The following CDH3 variants were observed in gnomAD, a reference collection of about 807,000 sequenced individuals.
CDH3 encodes the protein cadherin 3.
In CDH3, 54 loss-of-function variants were observed where a neutral mutation model predicts 82.0. The ratio of observed to expected loss-of-function variants is 0.66; its 90% CI spans 0.53 to 0.83. The LOEUF is 0.83. Ranked by LOEUF, CDH3 falls within the 40% of genes least tolerant of loss-of-function variation. CDH3 has a pLI of 0.00. For synonymous variants in CDH3, 446 were observed against 437.9 expected (o/e 1.02, Z -0.23); for missense variants, 1,054 against 1,084.6 (o/e 0.97, Z 0.40).
At chr16:68,718,517 TA>T (rs1247522647) in intron 1 of CDH3, among the ~76,000 whole-genome samples, 8 of 151,792 alleles carry the variant, frequency 5.3e-5, no homozygotes, top group African/African-American at 1.7e-4. Flanking sequence ...CCATCTCTAC[TA>T]AAAATACAAA....
Position 68,698,225 on chromosome 16 carries a change from C to T in CDH3, c.2315C>T (p.Pro772Leu), listed in dbSNP as rs774769161. Reference protein sequence around the residue: ...LKAANTDPTAPPYDTLLVFDY... With the variant: ...LKAANTDPTALPYDTLLVFDY... ...GCGGCTAACACAGACCCCACAGCCC[C>T]GCCCTACGACACCCTCTTGGTGTTC... Residue 772 changes from proline (P) to leucine (L), a missense_variant, in exon 16 of 16, where the codon CCG becomes CTG. Physicochemically the swap from Pro to Leu is moderately conservative, Grantham distance 98 (BLOSUM62 -3). Transcript: ENST00000264012. 4.2e-5 allele frequency: 68 copies of T among 1,614,226 alleles called. No individual in the cohort carries two copies. In the East Asian group the frequency reaches 5.3e-4, roughly 13 times the overall value.
At chr16:68,646,004 G>A in intron 2 of CDH3, 1 of 532,558 alleles carries the variant, frequency 1.9e-6, no homozygotes, top group Non-Finnish European at 3.4e-6. Flanking sequence ...CCGAGATGCC[G>A]GATGGCTGAG....
intron 2 of CDH3, among the ~76,000 whole-genome samples, chr16:68,658,688 T>C (rs1960474724): frequency 6.6e-6 from 1 of 152,178 alleles, no homozygotes; most frequent in African/African-American, 2.4e-5. Flanking sequence ...CTTCTCCCTG[T>C]AGAGTCGCTT....
chr16:68,698,556 CTT>C lies in CDH3; in HGVS notation c.*157_*158del. On this transcript the variant is annotated 3_prime_UTR_variant, in exon 16 of 16. Transcript: ENST00000264012. The stretch of plus-strand genomic sequence containing the variant: ...TATGAGTCTGACGTTAGAGTGGTGG[CTT>C]CCTTAGCCTTTCAGGATGGAGGAAT... 1 of 642,002 alleles carries C rather than the reference CTT, an allele frequency of 1.6e-6. No homozygotes were observed. The highest frequency in any genetic ancestry group is 2.7e-5 in the Admixed American group (1 of 37,378). The allele number at this position is 642,002 out of a possible 1,614,324, so 39.8% of individuals were successfully genotyped here. A position where few individuals can be genotyped will look rare whatever the true frequency, so the allele number is the denominator to read the frequency against.
chr16:68,712,037 C>CTTTTTTTTTT (rs58452743), intron 1 of CDH3, among the ~76,000 whole-genome samples: 2 of 119,416 alleles, frequency 1.7e-5, no homozygotes, highest in Non-Finnish European at 3.3e-5. Flanking sequence ...TTTTTGTTTT[C>CTTTTTTTTTT]TTTTTTTTTT....
rs764695886 is a variant in CDH3, at chr16:68,681,048, G to T, written c.948G>T (p.Val316=). The change falls in exon 8 of 16, where the codon GTG becomes GTT. Residue 316 remains valine (V), a synonymous_variant. Coordinates refer to ENST00000264012, the MANE Select transcript of CDH3 (RefSeq NM_001793.6). ...DGSTTTAVAV[V]EILDANDNAP... ...CCACCACCACGGCAGTGGCAGTAGTGGAGATCCTTGATGCCAATGACAATG... is the reference window on the plus strand; with the variant it reads ...CCACCACCACGGCAGTGGCAGTAGTTGAGATCCTTGATGCCAATGACAATG... 2 of 1,614,058 alleles carry T rather than the reference G, an allele frequency of 1.2e-6. No individual in the cohort carries two copies. Among genetic ancestry groups the T allele is most frequent in the Non-Finnish European group, 1.7e-6 (2 of 1,180,004 alleles).
intron 2 of CDH3, among the ~76,000 whole-genome samples, chr16:68,655,227 T>G (rs1235124857): frequency 6.6e-6 from 1 of 152,062 alleles, no homozygotes; most frequent in African/African-American, 2.4e-5. Flanking sequence ...AGCAGCTCCT[T>G]ATTTGGCCAA....
chr16:68,649,839 G>C (rs551156533), intron 2 of CDH3, among the ~76,000 whole-genome samples: 3 of 152,080 alleles, frequency 2.0e-5, no homozygotes, highest in Non-Finnish European at 4.4e-5. Flanking sequence ...TTCAAGACCA[G>C]CCTGGCCAAC....
downstream of CDH3, among the ~76,000 whole-genome samples, chr16:68,729,404 A>C (rs1962260521): frequency 6.6e-6 from 1 of 152,220 alleles, no homozygotes; most frequent in African/African-American, 2.4e-5. Context: ...TAAGTCTGGA[A>C]TTACATCAAA....
rs1567452175 is a variant in CDH3 at position 68,685,315 on chromosome 16, A to G, written c.1535A>G (p.Asn512Ser). 1 of 1,614,016 alleles carries G rather than the reference A, an allele frequency of 6.2e-7. No homozygotes were observed. The highest frequency in any genetic ancestry group is 1.7e-5 in the Admixed American group (1 of 59,994). Residue 512 changes from asparagine (N) to serine (S), a missense_variant, in exon 11 of 16, where the codon AAC (asparagine) becomes AGC (serine). Coordinates refer to ENST00000264012, the MANE Select transcript of CDH3 (RefSeq NM_001793.6). Reference protein sequence around the residue: ...DREDEQFVRNNIYEVMVLAMD... With the variant: ...DREDEQFVRNSIYEVMVLAMD... ...GAGGATGAGCAGTTTGTGAGGAACAACATCTATGAAGTCATGGTCTTGGCC... is the reference window on the plus strand; with the variant it reads ...GAGGATGAGCAGTTTGTGAGGAACAGCATCTATGAAGTCATGGTCTTGGCC...
downstream of CDH3, among the ~76,000 whole-genome samples, chr16:68,704,102 C>G (rs1961930859): frequency 6.6e-6 from 1 of 151,686 alleles, no homozygotes; most frequent in South Asian, 2.1e-4. Flanking sequence ...CTGGCTAACA[C>G]GGTGAAACCC....
chr16:68,648,258 C>G (rs575680606), intron 2 of CDH3, among the ~76,000 whole-genome samples: 2 of 152,240 alleles, frequency 1.3e-5, no homozygotes, highest in Non-Finnish European at 2.9e-5. Flanking sequence ...CAACTTTTAC[C>G]TCCTGGTATA....
chr16:68,715,585 G>A (rs1157031176), intron 1 of CDH3, among the ~76,000 whole-genome samples: 2 of 152,140 alleles, frequency 1.3e-5, no homozygotes, highest in Non-Finnish European at 2.9e-5. Context: ...AGCCTGCAGG[G>A]AGTTGCCCAA....
In CDH3 at chr16:68,699,885, A is replaced by G. The variant is rs1961861873; in HGVS notation, c.*1485A>G. On this transcript the variant is annotated 3_prime_UTR_variant, in exon 16 of 16. Transcript: ENST00000264012. ...GATTAAGTGAATTAATATCTGGCAC[A>G]TGGTCCATGCAATCTGTTAGTTGGT... 1 of 152,224 alleles carries G rather than the reference A, an allele frequency of 6.6e-6. No individual in the cohort carries two copies. The highest frequency in any genetic ancestry group is 2.4e-5 in the African/African-American group (1 of 41,444). 9.4% of individuals were successfully genotyped at this position (152,224 alleles called of 1,614,324 possible).
At position 68,684,950 on chromosome 16, in the gene CDH3, C is replaced by T. The variant is rs1468528907; in HGVS notation, c.1424+126C>T. 63 of 1,295,552 alleles carry T rather than the reference C, an allele frequency of 4.9e-5. No individual in the cohort carries two copies. The East Asian group carries it at 1.4e-3, about 29-fold the overall frequency. The allele number at this position is 1,295,552 out of a possible 1,614,324, so 80.3% of individuals were successfully genotyped here. A position where few individuals can be genotyped will look rare whatever the true frequency, so the allele number is the denominator to read the frequency against. On this transcript the variant is annotated intron_variant, in intron 10 of 15. Transcript: ENST00000264012. ...TAGGAATATCCCTCCTGCATAGGTT[C>T]TCTTCTTCCTACCCTCTTTGAGGCT...
downstream of CDH3, among the ~76,000 whole-genome samples, chr16:68,705,250 T>C (rs1257225987): frequency 4.6e-5 from 7 of 152,156 alleles, no homozygotes; most frequent in African/African-American, 4.8e-5. Flanking sequence ...GTAATGCTTA[T>C]GGCTTCCTGC....
intron 2 of CDH3, among the ~76,000 whole-genome samples, chr16:68,653,427 G>T (rs1404440335): frequency 6.6e-6 from 1 of 151,818 alleles, no homozygotes; most frequent in Non-Finnish European, 1.5e-5. Context: ...AGTAGAGATG[G>T]GGTTTCTCCA....
At position 68,722,170 on chromosome 16, in the gene CDH3, C is replaced by T. The variant is rs553068956; in HGVS notation, c.100-255C>T. Among the ~76,000 whole-genome samples, 4 of 152,272 alleles carry T rather than the reference C, an allele frequency of 2.6e-5. No individual in the cohort carries two copies. The South Asian group carries it at 8.3e-4, about 32-fold the overall frequency. On this transcript the variant is annotated intron_variant, in intron 1 of 2. Transcript: ENST00000569080. ...TCCTTGGGTTGTAAATCCCTGGCTC[C>T]CTTGTCTGTTTATTCCATCAGATCA...
At chr16:68,684,535 C>A in intron 9 of CDH3, 48 bp from the exon 10 acceptor site, 3 of 1,611,786 alleles carry the variant, frequency 1.9e-6, no homozygotes, top group South Asian at 1.1e-5. Flanking sequence ...CTGCACAGGA[C>A]CTCCTCTCAA....
Sources: gnomAD v4.1 joint callset for allele counts (sites outside exome capture counted in the v4.1 genomes callset) on GRCh38, gnomAD v4.1.1 for gene constraint, MANE v1.5 for transcripts, NCBI Gene and HGNC (gene_info 2026-07-23, HGNC 2026-07-21) for gene names.